Variants in SLCO1C1 observed in about 807,000 individuals in gnomAD.
SLCO1C1 encodes OAT-RP-5.
Under a neutral mutation model 76.4 loss-of-function variants are expected in SLCO1C1, and 70 were observed. The observed-to-expected ratio is 0.92, with a 90% confidence interval of 0.76 to 1.12. SLCO1C1 has a LOEUF of 1.12. SLCO1C1 is among the 50% of genes most tolerant of loss of function. The probability of loss-of-function intolerance (pLI) is 0.00; values close to 1 mark genes in which losing one functional copy is unlikely to be tolerated. For missense variants in SLCO1C1, 912 were observed against 823.8 expected (o/e 1.11, Z -1.31); for synonymous variants, 306 against 286.1 (o/e 1.07, Z -0.70).
In SLCO1C1 at chr12:20,709,725, C is replaced by CA. The variant is rs1413944634; in HGVS notation, c.405-1655dup. Among the ~76,000 whole-genome samples the CA allele has an allele frequency of 5.6e-5, 3 of 53,320 alleles. 1 individual carries two copies. The highest frequency in any genetic ancestry group is 1.3e-4 in the Non-Finnish European group (3 of 23,730). The allele number at this position is 53,320 out of a possible 152,430, so 35.0% of individuals were successfully genotyped here. ...TGAAACCCCGTCTCTACTAAAAATA[C>CA]AAAAAATTAGCCGGGCGCGGTGGCG... On this transcript the variant is annotated intron_variant, in intron 4 of 14. Transcript: ENST00000266509.
At chr12:20,711,293 A>G in intron 4 of SLCO1C1, 93 bp from the exon 5 acceptor site, 2 of 1,409,962 alleles carry the variant, frequency 1.4e-6, no homozygotes, top group Admixed American at 4.5e-5. Flanking sequence ...TGCAAGCTCA[A>G]CCTGGTACCC....
At chr12:20,723,646 A>G (rs1947792039) in intron 9 of SLCO1C1, among the ~76,000 whole-genome samples, 1 of 152,182 alleles carries the variant, frequency 6.6e-6, no homozygotes, top group Non-Finnish European at 1.5e-5. Flanking sequence ...TTTCGCGGTC[A>G]AAAAACTTTT....
intron 9 of SLCO1C1, among the ~76,000 whole-genome samples, chr12:20,732,665 TTTA>T (rs1453928383): frequency 6.6e-6 from 1 of 152,184 alleles, no homozygotes; most frequent in African/African-American, 2.4e-5. Flanking sequence ...ACCAGAAAGA[TTTA>T]TTGATTCATT....
intron 12 of SLCO1C1, 66 bp from the exon 13 acceptor site, chr12:20,743,239 C>A: frequency 7.0e-7 from 1 of 1,418,970 alleles, no homozygotes; most frequent in Non-Finnish European, 9.9e-7. Context: ...GGCAGATTAT[C>A]CTTCAAATTT....
chr12:20,710,361 A>C (rs1592239559), intron 4 of SLCO1C1, among the ~76,000 whole-genome samples: 1 of 138,070 alleles, frequency 7.2e-6, no homozygotes, highest in East Asian at 1.9e-4. Flanking sequence ...TACTATTAAT[A>C]TGCATGCCAA....
intron 4 of SLCO1C1, among the ~76,000 whole-genome samples, chr12:20,710,261 G>A (rs1367578376): frequency 3.7e-5 from 5 of 133,684 alleles, no homozygotes; most frequent in African/African-American, 8.9e-5. Context: ...AGGCTGGAGT[G>A]CAATGGCGCG....
chr12:20,707,808 T>C (rs985675462), intron 4 of SLCO1C1, among the ~76,000 whole-genome samples: 1 of 150,864 alleles, frequency 6.6e-6, no homozygotes, highest in Non-Finnish European at 1.5e-5. Flanking sequence ...CGAATACCCG[T>C]ATAAGAAAAT....
chr12:20,714,722 G>T (rs1013440546), intron 5 of SLCO1C1, among the ~76,000 whole-genome samples: 4 of 152,048 alleles, frequency 2.6e-5, no homozygotes, highest in Non-Finnish European at 4.4e-5. Flanking sequence ...CTGAAAAATA[G>T]AACTAAAAAT....
chr12:20,713,345 C>T (rs1947221761), intron 5 of SLCO1C1, among the ~76,000 whole-genome samples: 1 of 152,158 alleles, frequency 6.6e-6, no homozygotes, highest in Non-Finnish European at 1.5e-5. Context: ...TCCCAAAGTG[C>T]TGGGATTACA....
intron 13 of SLCO1C1, among the ~76,000 whole-genome samples, chr12:20,746,168 TTGAGGAGAC>T (rs1949033497): frequency 6.6e-6 from 1 of 152,086 alleles, no homozygotes; most frequent in South Asian, 2.1e-4. Flanking sequence ...CAGAACCAAT[TTGAGGAGAC>T]TGGCCTCAAG....
At position 20,715,360 on chromosome 12, in the gene SLCO1C1, A is replaced by C. The variant is rs1056024105; in HGVS notation, c.676+75A>C. ...AGTTTTCTGAATTCCCCTCTATGCTAAATTAAGTGGGGAAGCTTTTTATAC... is the reference window on the plus strand; with the variant it reads ...AGTTTTCTGAATTCCCCTCTATGCTCAATTAAGTGGGGAAGCTTTTTATAC... On this transcript the variant is annotated intron_variant, in intron 6 of 14. Coordinates refer to ENST00000266509, the MANE Select transcript of SLCO1C1 (RefSeq NM_017435.5). 13 of 1,526,672 alleles carry C rather than the reference A, an allele frequency of 8.5e-6. No homozygotes were observed. In the African/African-American group the frequency reaches 1.8e-4, roughly 21 times the overall value. 94.6% of individuals were successfully genotyped at this position (1,526,672 alleles called of 1,614,324 possible). A position where few individuals can be genotyped will look rare whatever the true frequency, so the allele number is the denominator to read the frequency against.
At chr12:20,722,169 C>T in intron 8 of SLCO1C1, 120 bp downstream of exon 8, 1 of 1,319,942 alleles carries the variant, frequency 7.6e-7, no homozygotes. Flanking sequence ...ATATCAGAAG[C>T]AAAAATGGAA....
chr12:20,698,992 G>A (rs1486314760), intron 1 of SLCO1C1, among the ~76,000 whole-genome samples: 1 of 151,974 alleles, frequency 6.6e-6, no homozygotes, highest in Non-Finnish European at 1.5e-5. Context: ...AAATCATGTT[G>A]CTCCCTTATT....
chr12:20,720,236 C>T lies in SLCO1C1; in HGVS notation c.776-1568C>T, dbSNP rs143915855. Among the ~76,000 whole-genome samples, 1,373 of 152,286 alleles carry T rather than the reference C, an allele frequency of 9.0e-3. 9 individuals carry two copies. Among genetic ancestry groups the T allele is most frequent in the Middle Eastern group, 0.051 (15 of 294 alleles). On this transcript the variant is annotated intron_variant, in intron 7 of 14. Coordinates refer to ENST00000266509, the MANE Select transcript of SLCO1C1 (RefSeq NM_017435.5). ...ATATTCCTTTCAAAATATTACTGCT[C>T]ATTGGCAATGCACCTAGTCACCCAA...
In SLCO1C1 at chr12:20,706,039, T is replaced by C; in HGVS notation, c.362T>C (p.Val121Ala). The change falls in exon 4 of 15, where the codon GTT (valine) becomes GCT (alanine). Residue 121 changes from valine (V) to alanine (A), a missense_variant. Physicochemically the swap from Val to Ala is moderately conservative, Grantham distance 64. Transcript: ENST00000266509. Reference sequence around the variant, plus strand: ...GGAGCAGGGTGTGTAATCATGGGAGTTGGAACACTGCTCATTGCAATGCCT... The same window carrying C: ...GGAGCAGGGTGTGTAATCATGGGAGCTGGAACACTGCTCATTGCAATGCCT... ...IIGAGCVIMG[V>A]GTLLIAMPQF... 6.2e-7 allele frequency: 1 copy of C among 1,613,130 alleles called. No individual in the cohort carries two copies. The highest frequency in any genetic ancestry group is 8.5e-7 in the Non-Finnish European group (1 of 1,179,402).
intron 13 of SLCO1C1, among the ~76,000 whole-genome samples, chr12:20,744,468 G>A (rs1948951407): frequency 1.3e-5 from 2 of 151,958 alleles, no homozygotes; most frequent in Admixed American, 1.3e-4. Flanking sequence ...AAACTCCTAA[G>A]TTTTGAGAAG....
intron 11 of SLCO1C1, among the ~76,000 whole-genome samples, chr12:20,737,602 C>T (rs1176473545): frequency 6.6e-6 from 1 of 152,128 alleles, no homozygotes; most frequent in Non-Finnish European, 1.5e-5. Context: ...CTTTCAGATC[C>T]ATGTCCCCTG....
chr12:20,713,467 C>T (rs905775151), intron 5 of SLCO1C1, among the ~76,000 whole-genome samples: 5 of 152,170 alleles, frequency 3.3e-5, no homozygotes, highest in Admixed American at 6.5e-5. Context: ...GGCTTAGACT[C>T]AGTAATTAAA....
At chr12:20,715,025 G>A (rs1565511740) in intron 5 of SLCO1C1, 114 bp from the exon 6 acceptor site, 2 of 1,299,158 alleles carry the variant, frequency 1.5e-6, no homozygotes, top group Non-Finnish European at 2.1e-6. Context: ...TAAGACTATT[G>A]CACAAAAACT....
Sources: allele counts gnomAD v4.1 joint callset (sites outside exome capture counted in the v4.1 genomes callset), GRCh38; gene constraint gnomAD v4.1.1; transcripts MANE v1.5; gene names NCBI Gene and HGNC (gene_info 2026-07-23, HGNC 2026-07-21).